Variants in CDHR1 observed in about 807,000 individuals in gnomAD.
The protein encoded by CDHR1 is cadherin related family member 1.
A neutral mutation model predicts 72.1 loss-of-function variants in CDHR1; 61 were observed. The observed-to-expected ratio is 0.85, with a 90% CI of 0.69 to 1.05. CDHR1 has a LOEUF of 1.05. Ranked by LOEUF, CDHR1 falls within the 50% of genes least tolerant of loss-of-function variation. The pLI is 0.00. For missense variants in CDHR1, 1,186 were observed against 1,115.7 expected (o/e 1.06, Z -0.90); for synonymous variants, 470 against 448.1 (o/e 1.05, Z -0.62).
intron 9 of CDHR1, 148 bp from the exon 10 acceptor site, chr10:84,205,679 G>A (rs1164302691): frequency 1.4e-6 from 1 of 698,628 alleles, no homozygotes; most frequent in Admixed American, 2.0e-5. Flanking sequence ...TAGCCCCTCT[G>A]AGACTGTTTC....
In CDHR1 at chr10:84,218,476, T is replaced by C. The variant is rs1842461331; in HGVS notation, c.*3855T>C. Reference sequence around the variant, plus strand: ...GTATATCTTCTGTGCCAGGCTCTCTTCTAGGTGTTAGGTGTATGTCTCTAA... The same window carrying C: ...GTATATCTTCTGTGCCAGGCTCTCTCCTAGGTGTTAGGTGTATGTCTCTAA... On this transcript the variant is annotated 3_prime_UTR_variant, in exon 17 of 17. Transcript: ENST00000623527. The C allele has an allele frequency of 1.0e-6, 1 of 985,296 alleles. No homozygotes were observed. Among genetic ancestry groups the C allele is most frequent in the African/African-American group, 1.7e-5 (1 of 57,228 alleles). 61.0% of individuals were successfully genotyped at this position (985,296 alleles called of 1,614,324 possible). A position where few individuals can be genotyped will look rare whatever the true frequency, so the allele number is the denominator to read the frequency against.
At chr10:84,211,888 C>T (rs1439102917) in intron 14 of CDHR1, among the ~76,000 whole-genome samples, 173 bp downstream of exon 14, 1 of 152,104 alleles carries the variant, frequency 6.6e-6, no homozygotes, top group Non-Finnish European at 1.5e-5. Flanking sequence ...GTTCAGGGCC[C>T]AGGACCTCAG....
chr10:84,197,197 GC>G (rs1268124539), intron 3 of CDHR1, among the ~76,000 whole-genome samples: 3 of 152,172 alleles, frequency 2.0e-5, no homozygotes, highest in African/African-American at 7.2e-5. Flanking sequence ...GCCTCCACTA[GC>G]TGCAGGACAG....
At chr10:84,201,453 C>A (rs1396351364) in intron 6 of CDHR1, among the ~76,000 whole-genome samples, 1 of 152,176 alleles carries the variant, frequency 6.6e-6, no homozygotes, top group Non-Finnish European at 1.5e-5. Flanking sequence ...TGACTTTTAA[C>A]CCCTGGCTCC....
Position 84,211,078 on chromosome 10 carries a change from T to G in CDHR1, c.1398T>G (p.Asn466Lys), listed in dbSNP as rs756780652. ...TTGTGATCCAGCTCCTGGACACCAATGACAATGTCCCCAAGTTCGACTCCC... is the reference window on the plus strand; with the variant it reads ...TTGTGATCCAGCTCCTGGACACCAAGGACAATGTCCCCAAGTTCGACTCCC... ...ADVVIQLLDT[N>K]DNVPKFDSLY... Residue 466 changes from asparagine to lysine, a missense_variant, in exon 13 of 17, where the codon AAT becomes AAG. Asn to Lys is a moderately conservative substitution (Grantham distance 94). Transcript: ENST00000623527. 6.2e-7 allele frequency: 1 copy of G among 1,614,248 alleles called. No homozygotes were observed. Among genetic ancestry groups the G allele is most frequent in the South Asian group, 1.1e-5 (1 of 91,086 alleles).
Position 84,208,295 on chromosome 10 carries a change from G to A in CDHR1, c.1085G>A (p.Arg362Lys). ...TFYGESGPQN[R>K]FELSMNEHPP... is the part of the protein sequence containing the mutation. ...TATGGAGAGAGCGGACCCCAAAACA[G>A]GTTTGAGCTGTCCATGAATGAGCAC... The change falls in exon 11 of 17, where the codon AGG becomes AAG. Residue 362 changes from arginine to lysine, a missense_variant. Physicochemically the swap from Arg to Lys is conservative, Grantham distance 26. Transcript: ENST00000623527. 8 of 1,614,118 alleles carry A rather than the reference G, an allele frequency of 5.0e-6. No individual in the cohort carries two copies. The highest frequency in any genetic ancestry group is 1.3e-5 in the African/African-American group (1 of 75,036).
At chr10:84,200,130 A>G (rs959549403) in intron 5 of CDHR1, among the ~76,000 whole-genome samples, 2 of 151,666 alleles carry the variant, frequency 1.3e-5, no homozygotes, top group African/African-American at 4.9e-5. Context: ...AGATCACGCC[A>G]TTGCACTCCA....
chr10:84,208,579 C>A, intron 11 of CDHR1, 150 bp from the exon 12 acceptor site: 2 of 987,788 alleles, frequency 2.0e-6, no homozygotes, highest in Non-Finnish European at 3.1e-6. Flanking sequence ...CCTAAAGGCA[C>A]TCACAGTCCA....
chr10:84,195,688 C>G, intron 2 of CDHR1, 99 bp downstream of exon 2: 1 of 958,130 alleles, frequency 1.0e-6, no homozygotes, highest in Admixed American at 2.0e-5. Flanking sequence ...TTGCTGCGCG[C>G]GCCCGGGGGC....
At chr10:84,207,974 A>G (rs759918955) in intron 10 of CDHR1, among the ~76,000 whole-genome samples, 200 bp from the exon 11 acceptor site, 5 of 152,230 alleles carry the variant, frequency 3.3e-5, no homozygotes, top group Non-Finnish European at 7.3e-5. Context: ...AGAGTTCACA[A>G]GACAGACGTT....
In CDHR1 at chr10:84,217,779, A is replaced by T. The variant is rs1379338421; in HGVS notation, c.*3158A>T. On this transcript the variant is annotated 3_prime_UTR_variant, in exon 17 of 17. Coordinates refer to ENST00000623527, the MANE Select transcript of CDHR1 (RefSeq NM_033100.4). ...ATGCTAGAAAAAGAGAAGAGAGTGGATCCAGAGGGGAGTGGAGGACAGGGC... is the reference window on the plus strand; with the variant it reads ...ATGCTAGAAAAAGAGAAGAGAGTGGTTCCAGAGGGGAGTGGAGGACAGGGC... 1 of 985,328 alleles carries T rather than the reference A, an allele frequency of 1.0e-6. No homozygotes were observed. The highest frequency in any genetic ancestry group is 6.1e-5 in the Admixed American group (1 of 16,272). The allele number at this position is 985,328 out of a possible 1,614,324, so 61.0% of individuals were successfully genotyped here.
In CDHR1 at chr10:84,215,557, G is replaced by T. The variant is rs934790843; in HGVS notation, c.*936G>T. On this transcript the variant is annotated 3_prime_UTR_variant, in exon 17 of 17. Coordinates refer to ENST00000623527, the MANE Select transcript of CDHR1 (RefSeq NM_033100.4). ...AACCTTGGGAAAGCTGTTTAAAGTC[G>T]CTGATCATCCTCTTCCTCATCTGTA... The T allele has an allele frequency of 1.1e-6, 1 of 889,014 alleles. No individual in the cohort carries two copies. The highest frequency in any genetic ancestry group is 1.3e-6 in the Non-Finnish European group (1 of 742,198). The allele number at this position is 889,014 out of a possible 1,614,324, so 55.1% of individuals were successfully genotyped here.
In CDHR1 at chr10:84,217,824, G is replaced by A. The variant is rs933943345; in HGVS notation, c.*3203G>A. ...CAGGGCAGATGCCACAGCATCTGTG[G>A]CCTGTGTAGCCGGCAGCCTGCATTT... On this transcript the variant is annotated 3_prime_UTR_variant, in exon 17 of 17. Coordinates refer to ENST00000623527, the MANE Select transcript of CDHR1 (RefSeq NM_033100.4). 4 of 985,344 alleles carry A rather than the reference G, an allele frequency of 4.1e-6. No individual in the cohort carries two copies. The highest frequency in any genetic ancestry group is 4.8e-6 in the Non-Finnish European group (4 of 829,970). The allele number at this position is 985,344 out of a possible 1,614,324, so 61.0% of individuals were successfully genotyped here.
chr10:84,198,236 A>T (rs920345252), intron 4 of CDHR1, among the ~76,000 whole-genome samples: 4 of 152,198 alleles, frequency 2.6e-5, no homozygotes, highest in Non-Finnish European at 5.9e-5. Context: ...CCAGGGGCTC[A>T]CTGGCCTCCA....
rs1246316869 is a variant in CDHR1 at position 84,212,196 on chromosome 10, C to A, written c.1571C>A (p.Ser524Tyr). ...CCTGGCAGCTTCCTGATCCACCCAT[C>A]CACTGGGCTTATCTACACCCAGCCC... ...TGADLFLIHP[S>Y]TGLIYTQPWA... The change falls in exon 15 of 17, where the codon TCC (serine) becomes TAC (tyrosine). Residue 524 changes from serine (S) to tyrosine (Y), a missense_variant. Physicochemically the swap from Ser to Tyr is moderately radical, Grantham distance 144 (BLOSUM62 -2). Coordinates refer to ENST00000623527, the MANE Select transcript of CDHR1 (RefSeq NM_033100.4). 1 of 1,614,182 alleles carries A rather than the reference C, an allele frequency of 6.2e-7. No individual in the cohort carries two copies. Among genetic ancestry groups the A allele is most frequent in the African/African-American group, 1.3e-5 (1 of 75,038 alleles).
Position 84,216,379 on chromosome 10 carries a change from C to T in CDHR1, c.*1758C>T, listed in dbSNP as rs1589311551. 2 of 985,534 alleles carry T rather than the reference C, an allele frequency of 2.0e-6. No individual in the cohort carries two copies. Among genetic ancestry groups the T allele is most frequent in the East Asian group, 2.3e-4 (2 of 8,818 alleles). 61.0% of individuals were successfully genotyped at this position (985,534 alleles called of 1,614,324 possible). ...GACTCGAGCAATCCAGGAGCCCAGACTGAGCAAATAAGTACTTTCCAGCCT... is the reference window on the plus strand; with the variant it reads ...GACTCGAGCAATCCAGGAGCCCAGATTGAGCAAATAAGTACTTTCCAGCCT... On this transcript the variant is annotated 3_prime_UTR_variant, in exon 17 of 17. Transcript: ENST00000623527.
Position 84,196,840 on chromosome 10 carries a change from G to C in CDHR1, c.297+190G>C, listed in dbSNP as rs374058862. Among the ~76,000 whole-genome samples, 224 of 152,310 alleles carry C rather than the reference G, an allele frequency of 1.5e-3. 1 individual carries two copies. The highest frequency in any genetic ancestry group is 5.0e-3 in the African/African-American group (208 of 41,562). On this transcript the variant is annotated intron_variant, in intron 3 of 16. Transcript: ENST00000623527. The stretch of plus-strand genomic sequence containing the variant: ...TCAGCAGAGTGGGCTTTACTTTCAT[G>C]CTCCTCCTTCACACAGAGCGAAGAG...
rs753633566 is a variant in CDHR1 at position 84,212,162 on chromosome 10, T to C, written c.1554-17T>C. ...GTATATGCGTGCACACCCATGCCTA[T>C]GTGCTCTGCCTGGCAGCTTCCTGAT... On this transcript the variant is annotated splice_polypyrimidine_tract_variant and intron_variant, in intron 14 of 16. Transcript: ENST00000623527. 2 of 1,605,982 alleles carry C rather than the reference T, an allele frequency of 1.2e-6. No homozygotes were observed. Among genetic ancestry groups the C allele is most frequent in the South Asian group, 1.1e-5 (1 of 90,854 alleles).
chr10:84,217,434 C>T lies in CDHR1; in HGVS notation c.*2813C>T. ...TTCCAATCACGTGAAATAACAAAGTCCTTTACAGTTTGACAGCCCTAGGTC... is the reference window on the plus strand; with the variant it reads ...TTCCAATCACGTGAAATAACAAAGTTCTTTACAGTTTGACAGCCCTAGGTC... On this transcript the variant is annotated 3_prime_UTR_variant, in exon 17 of 17. Transcript: ENST00000623527. 2 of 985,356 alleles carry T rather than the reference C, an allele frequency of 2.0e-6. No individual in the cohort carries two copies. The highest frequency in any genetic ancestry group is 2.4e-6 in the Non-Finnish European group (2 of 829,844). The allele number at this position is 985,356 out of a possible 1,614,324, so 61.0% of individuals were successfully genotyped here.
Sources: gnomAD v4.1 joint callset for allele counts (sites outside exome capture counted in the v4.1 genomes callset) on GRCh38, gnomAD v4.1.1 for gene constraint, MANE v1.5 for transcripts, NCBI Gene and HGNC (gene_info 2026-07-23, HGNC 2026-07-21) for gene names.